AOAH: variants seen among roughly 807,000 people sequenced by gnomAD.
AOAH encodes acyloxyacyl hydrolase.
AOAH carries 64 observed loss-of-function variants against 92.2 expected under a neutral mutation model. The observed-to-expected ratio is 0.69, with a 90% CI of 0.57 to 0.86. The LOEUF (loss-of-function observed/expected upper bound fraction) is 0.86, where lower values mean the gene tolerates loss of function less well. AOAH is among the 40% of genes least tolerant of loss of function. The pLI, the probability that AOAH is intolerant of heterozygous loss-of-function variation, is 0.00. For synonymous variants in AOAH, 263 were observed against 254.5 expected, an observed-to-expected ratio of 1.03 and a Z score of -0.32; for missense variants, 656 against 694.6, an observed-to-expected ratio of 0.94 and a Z score of 0.62.
In AOAH at chr7:36,687,586, GTGGT is replaced by G. The variant is rs1343093080; in HGVS notation, c.128-796_128-793del. 1.9e-4 allele frequency among the ~76,000 whole-genome samples: 29 copies of G among 151,290 alleles called. 1 individual carries two copies. In the East Asian group the frequency reaches 2.5e-3, roughly 13 times the overall value. Reference sequence around the variant, plus strand: ...GGGACTCTTTTTTTCGTATAAACAAGTGGTTGGTCAAAGATCAGTAAGTATGTGA... The same window carrying G: ...GGGACTCTTTTTTTCGTATAAACAAGTGGTCAAAGATCAGTAAGTATGTGA... On this transcript the variant is annotated intron_variant, in intron 1 of 20. Coordinates refer to ENST00000617537, the MANE Select transcript of AOAH (RefSeq NM_001637.4).
At chr7:36,684,062 T>C (rs564558781) in intron 2 of AOAH, among the ~76,000 whole-genome samples, 40 of 152,064 alleles carry the variant, frequency 2.6e-4, no homozygotes, top group Non-Finnish European at 5.1e-4. Flanking sequence ...GTTTGTGGTG[T>C]TGAAACATTA....
rs1797973730 is a variant in AOAH at position 36,700,631 on chromosome 7, G to T, written c.128-13837C>A. 2.0e-5 allele frequency among the ~76,000 whole-genome samples: 3 copies of T among 152,158 alleles called. No homozygotes were observed. In the South Asian group the frequency reaches 6.2e-4, roughly 32 times the overall value. On this transcript the variant is annotated intron_variant, in intron 1 of 20. Transcript: ENST00000617537. ...TATATTTGCTATTGTGAATAGTGCT[G>T]CAATAAACAGAAACATATGAGCAGG...
At position 36,715,272 on chromosome 7, in the gene AOAH, A is replaced by G. The variant is rs1255967448; in HGVS notation, c.127+8750T>C. Among the ~76,000 whole-genome samples, 18 of 152,162 alleles carry G rather than the reference A, an allele frequency of 1.2e-4. No individual in the cohort carries two copies. In the South Asian group the frequency reaches 2.1e-3, roughly 18 times the overall value. On this transcript the variant is annotated intron_variant, in intron 1 of 20. Coordinates refer to ENST00000617537, the MANE Select transcript of AOAH (RefSeq NM_001637.4). ...CCTAGGAATACAACTTACAAGGGAC[A>G]TGAAGGACCTCTTCAGGGAGAACTA...
intron 4 of AOAH, among the ~76,000 whole-genome samples, chr7:36,647,797 G>C (rs1360575119): frequency 1.3e-5 from 2 of 151,390 alleles, no homozygotes; most frequent in African/African-American, 2.4e-5. Context: ...CATAAATCCA[G>C]ACATAGCATT....
At chr7:36,621,408 T>A (rs1792269596) in intron 8 of AOAH, among the ~76,000 whole-genome samples, 1 of 152,154 alleles carries the variant, frequency 6.6e-6, no homozygotes, top group Non-Finnish European at 1.5e-5. Flanking sequence ...AATAAGATAA[T>A]CTGTTCACTT....
chr7:36,593,451 A>C (rs1285690489), intron 12 of AOAH, among the ~76,000 whole-genome samples: 1 of 152,082 alleles, frequency 6.6e-6, no homozygotes, highest in Non-Finnish European at 1.5e-5. Flanking sequence ...TGCCCTCCTC[A>C]CAGTTCTCAT....
chr7:36,610,212 G>A (rs1446879048), intron 11 of AOAH, among the ~76,000 whole-genome samples: 1 of 148,580 alleles, frequency 6.7e-6, no homozygotes, highest in African/African-American at 2.5e-5. Flanking sequence ...GTAGGTGGGT[G>A]GTTTAGTAGA....
chr7:36,703,714 G>T (rs1003081692), intron 1 of AOAH, among the ~76,000 whole-genome samples: 7 of 151,990 alleles, frequency 4.6e-5, no homozygotes, highest in Admixed American at 1.3e-4. Context: ...TCCCTGCAAA[G>T]GACACGAAGT....
chr7:36,656,879 GT>G (rs66825575), intron 4 of AOAH, among the ~76,000 whole-genome samples: 10 of 148,254 alleles, frequency 6.7e-5, no homozygotes, highest in East Asian at 4.0e-4. Flanking sequence ...AAGAGGTTTG[GT>G]GGGGGGTGTT....
intron 6 of AOAH, 32 bp from the exon 7 acceptor site, chr7:36,623,282 C>G (rs780582451): frequency 6.2e-7 from 1 of 1,600,172 alleles, no homozygotes; most frequent in South Asian, 1.1e-5. Flanking sequence ...AATCGGTGAG[C>G]TAACAAAAAA....
At chr7:36,522,617 G>GA (rs1004455216) in intron 19 of AOAH, among the ~76,000 whole-genome samples, 1 of 152,138 alleles carries the variant, frequency 6.6e-6, no homozygotes, top group South Asian at 2.1e-4. Context: ...TATGGCTGCA[G>GA]AAAAAATATT....
At chr7:36,584,800 T>C (rs62447210) in intron 12 of AOAH, among the ~76,000 whole-genome samples, 6,635 of 152,292 alleles carry the variant, frequency 0.044, 202 homozygotes, top group Non-Finnish European at 0.068. Flanking sequence ...TCCCAACAAA[T>C]CTTATTTGAT....
chr7:36,642,321 G>T (rs558397264), intron 4 of AOAH, among the ~76,000 whole-genome samples: 1 of 152,212 alleles, frequency 6.6e-6, no homozygotes, highest in East Asian at 1.9e-4. Flanking sequence ...CAAAGGAAGA[G>T]AAAAAGACAC....
At chr7:36,581,699 ATAGTG>A (rs1788941711) in intron 12 of AOAH, among the ~76,000 whole-genome samples, 1 of 152,204 alleles carries the variant, frequency 6.6e-6, no homozygotes, top group South Asian at 2.1e-4. Flanking sequence ...TGAAGAGTAA[ATAGTG>A]TAGGTATTAA....
chr7:36,560,911 T>C (rs1787211619), intron 13 of AOAH, among the ~76,000 whole-genome samples: 1 of 152,214 alleles, frequency 6.6e-6, no homozygotes, highest in African/African-American at 2.4e-5. Context: ...TTCCTTTACC[T>C]ACTCCATCCA....
intron 16 of AOAH, among the ~76,000 whole-genome samples, chr7:36,533,678 CGTGTGTGTGTGTGT>C (rs5883560): frequency 2.7e-5 from 4 of 149,190 alleles, no homozygotes. Context: ...ATTTTGTGTG[CGTGTGTGTGTGTGT>C]GTGTGTGTTT....
chr7:36,526,058 A>G (rs1378850944), intron 19 of AOAH, among the ~76,000 whole-genome samples: 1 of 152,204 alleles, frequency 6.6e-6, no homozygotes, highest in Admixed American at 6.5e-5. Flanking sequence ...ATTCTAAATA[A>G]TGTCGATGAT....
At chr7:36,592,574 AG>A (rs1162600951) in intron 12 of AOAH, among the ~76,000 whole-genome samples, 1 of 152,216 alleles carries the variant, frequency 6.6e-6, no homozygotes, top group African/African-American at 2.4e-5. Context: ...AAAGTTTGAG[AG>A]GCAAGAACAT....
In AOAH at chr7:36,618,362, A is replaced by G. The variant is rs777820816; in HGVS notation, c.703-17T>C. 6.2e-7 allele frequency: 1 copy of G among 1,613,370 alleles called. No homozygotes were observed. The highest frequency in any genetic ancestry group is 2.2e-5 in the East Asian group (1 of 44,858). ...ATCGACACCCTTTAAAAAAGAAACG[A>G]TGTGATTAGCAGTTTGGTTTTAAAT... is the stretch of plus-strand genomic sequence containing the variant. On this transcript the variant is annotated splice_polypyrimidine_tract_variant and intron_variant, in intron 9 of 20. Coordinates refer to ENST00000617537, the MANE Select transcript of AOAH (RefSeq NM_001637.4).
Sources: allele counts gnomAD v4.1 joint callset (sites outside exome capture counted in the v4.1 genomes callset), GRCh38; gene constraint gnomAD v4.1.1; transcripts MANE v1.5; gene names NCBI Gene and HGNC (gene_info 2026-07-23, HGNC 2026-07-21).